MAML2: variants seen among roughly 807,000 people sequenced by gnomAD.
MAML2 encodes the protein mastermind-like protein 2.
Under a neutral mutation model 96.1 loss-of-function variants are expected in MAML2, and 22 were observed. The ratio of observed to expected loss-of-function variants is 0.23; its 90% CI spans 0.16 to 0.33. The LOEUF (loss-of-function observed/expected upper bound fraction) is 0.33. Among genes scored for constraint, MAML2 ranks in the 10% least tolerant of loss-of-function variants. The pLI is 1.00. For synonymous variants in MAML2, 561 were observed against 521.3 expected (o/e 1.08, Z -1.04); for missense variants, 1,367 against 1,392.4 (o/e 0.98, Z 0.29).
intron 1 of MAML2, among the ~76,000 whole-genome samples, chr11:96,291,590 T>G (rs1441052549): frequency 6.6e-6 from 1 of 152,218 alleles, no homozygotes; most frequent in Admixed American, 6.5e-5. Context: ...GATTCTATTT[T>G]CTCTTGTATT....
At chr11:96,264,573 G>A (rs1862800151) in intron 1 of MAML2, among the ~76,000 whole-genome samples, 1 of 152,116 alleles carries the variant, frequency 6.6e-6, no homozygotes, top group African/African-American at 2.4e-5. Context: ...AGTCACGCTG[G>A]GCAAGGCATT....
intron 1 of MAML2, among the ~76,000 whole-genome samples, chr11:96,218,805 A>G (rs1007633505): frequency 6.6e-6 from 1 of 152,244 alleles, no homozygotes; most frequent in Non-Finnish European, 1.5e-5. Flanking sequence ...ATAAGTTTTT[A>G]AAAGTTATAA....
intron 1 of MAML2, among the ~76,000 whole-genome samples, chr11:96,184,172 G>A (rs1303816366): frequency 6.6e-6 from 1 of 152,228 alleles, no homozygotes; most frequent in African/African-American, 2.4e-5. Flanking sequence ...GCTGGGCACG[G>A]CGGCTCACGC....
chr11:96,320,810 A>G (rs1424410279), intron 1 of MAML2, among the ~76,000 whole-genome samples: 1 of 152,160 alleles, frequency 6.6e-6, no homozygotes, highest in Non-Finnish European at 1.5e-5. Context: ...AAATGGAGAG[A>G]AATGGAAAAA....
chr11:95,998,265 C>T (rs1393267325), intron 2 of MAML2, among the ~76,000 whole-genome samples: 1 of 152,040 alleles, frequency 6.6e-6, no homozygotes, highest in East Asian at 1.9e-4. Flanking sequence ...GCACTTTCTT[C>T]TACCACATCC....
chr11:96,201,647 T>C (rs1861823241), intron 1 of MAML2, among the ~76,000 whole-genome samples: 1 of 152,142 alleles, frequency 6.6e-6, no homozygotes, highest in Non-Finnish European at 1.5e-5. Flanking sequence ...GGGCGGGGTG[T>C]GGTGGCTCAT....
intron 1 of MAML2, among the ~76,000 whole-genome samples, chr11:96,283,236 C>G (rs564100822): frequency 2.0e-5 from 3 of 152,160 alleles, no homozygotes; most frequent in South Asian, 2.1e-4. Context: ...CTCTACAGAC[C>G]TTGCTGTCCA....
intron 2 of MAML2, among the ~76,000 whole-genome samples, chr11:96,031,615 A>C (rs1036715364): frequency 2.0e-5 from 3 of 152,210 alleles, no homozygotes; most frequent in Admixed American, 6.5e-5. Context: ...TTTTTTTTGC[A>C]TGCCCCCAGT....
At chr11:96,149,415 A>AC (rs1565229514) in intron 1 of MAML2, among the ~76,000 whole-genome samples, 1 of 108,340 alleles carries the variant, frequency 9.2e-6, no homozygotes, top group African/African-American at 3.6e-5. Flanking sequence ...AGACTCCGTC[A>AC]CAAAAAAAAA....
intron 1 of MAML2, among the ~76,000 whole-genome samples, chr11:96,292,374 C>T (rs1174584329): frequency 2.6e-5 from 4 of 152,214 alleles, no homozygotes; most frequent in Non-Finnish European, 4.4e-5. Flanking sequence ...ATTGAATGCT[C>T]ACTATGTATT....
intron 1 of MAML2, among the ~76,000 whole-genome samples, chr11:96,177,356 A>G (rs1047672924): frequency 2.6e-5 from 4 of 152,250 alleles, no homozygotes; most frequent in African/African-American, 9.6e-5. Flanking sequence ...CTGCATCACA[A>G]GAGGACAGGC....
chr11:96,136,373 G>T (rs1311980499), intron 1 of MAML2, among the ~76,000 whole-genome samples: 3 of 152,014 alleles, frequency 2.0e-5, no homozygotes, highest in African/African-American at 7.3e-5. Context: ...GATAACAACT[G>T]ACAAGAAATT....
intron 1 of MAML2, among the ~76,000 whole-genome samples, chr11:96,098,930 C>T (rs1288835938): frequency 2.6e-5 from 4 of 152,256 alleles, no homozygotes. Flanking sequence ...CATTATTGCA[C>T]AATCCTCTGG....
chr11:96,141,126 T>C (rs536564994), intron 1 of MAML2, among the ~76,000 whole-genome samples: 6 of 152,236 alleles, frequency 3.9e-5, no homozygotes, highest in African/African-American at 1.4e-4. Flanking sequence ...CCTAGGTATA[T>C]GGGGGAAGAA....
In MAML2 at chr11:96,341,692, C is replaced by T; in HGVS notation, c.204G>A (p.Arg68=). 1 of 1,604,800 alleles carries T rather than the reference C, an allele frequency of 6.2e-7. No individual in the cohort carries two copies. The highest frequency in any genetic ancestry group is 1.1e-5 in the South Asian group (1 of 89,220). The change falls in exon 1 of 5, where the codon CGG becomes CGA. Residue 68 remains arginine, a synonymous_variant. Coordinates refer to ENST00000524717, the MANE Select transcript of MAML2 (RefSeq NM_032427.4). Reference sequence around the variant, plus strand: ...GGAGCTGCAAGGTGCTTTCTCTTTCCCGGTCTGAGCTCTCGGCCCTACCTC... The same window carrying T: ...GGAGCTGCAAGGTGCTTTCTCTTTCTCGGTCTGAGCTCTCGGCCCTACCTC... ...YERGRAESSD[R]ERESTLQLLS... is the part of the protein sequence containing the mutation.
chr11:96,114,150 C>A (rs892468624), intron 1 of MAML2, among the ~76,000 whole-genome samples: 7 of 152,106 alleles, frequency 4.6e-5, no homozygotes, highest in African/African-American at 1.4e-4. Flanking sequence ...AACTCCTGAC[C>A]TCAAGTGATC....
chr11:96,322,656 C>T (rs1240681637), intron 1 of MAML2, among the ~76,000 whole-genome samples: 1 of 152,142 alleles, frequency 6.6e-6, no homozygotes, highest in African/African-American at 2.4e-5. Flanking sequence ...CGCGCCACTG[C>T]ACTCCACCCT....
chr11:96,190,227 T>C (rs1266827825), intron 1 of MAML2, among the ~76,000 whole-genome samples: 1 of 152,210 alleles, frequency 6.6e-6, no homozygotes, highest in Non-Finnish European at 1.5e-5. Context: ...TAGGCACTGA[T>C]CCAGACTTCT....
intron 2 of MAML2, among the ~76,000 whole-genome samples, chr11:96,067,164 C>T (rs529684726): frequency 2.0e-5 from 3 of 152,324 alleles, no homozygotes; most frequent in African/African-American, 7.2e-5. Flanking sequence ...CAACACCTAA[C>T]ATGCCTTCCC....
Sources: gnomAD v4.1 joint callset for allele counts (sites outside exome capture counted in the v4.1 genomes callset) on GRCh38, gnomAD v4.1.1 for gene constraint, MANE v1.5 for transcripts, NCBI Gene and HGNC (gene_info 2026-07-23, HGNC 2026-07-21) for gene names.